Variants in FA2H observed in about 807,000 individuals in gnomAD.
FA2H encodes fatty acid 2-hydroxylase, also known as fatty acid alpha-hydroxylase.
In FA2H, 22 loss-of-function variants were observed where a neutral mutation model predicts 44.9. That is an observed-to-expected ratio of 0.49 (90% CI 0.35 to 0.70). The LOEUF (loss-of-function observed/expected upper bound fraction) is 0.70, where lower values mean the gene tolerates loss of function less well. FA2H is among the 30% of genes least tolerant of loss of function. The pLI, the probability that FA2H is intolerant of heterozygous loss-of-function variation, is 0.01. For synonymous variants in FA2H, 243 were observed against 213.2 expected, an observed-to-expected ratio of 1.14 and a Z score of -1.22; for missense variants, 501 against 504.9, an observed-to-expected ratio of 0.99 and a Z score of 0.07.
intron 1 of FA2H, among the ~76,000 whole-genome samples, chr16:74,758,105 AG>A (rs1435509137): frequency 6.8e-6 from 1 of 147,062 alleles, no homozygotes. Flanking sequence ...CTAGAGTGAG[AG>A]GGAAACAATT....
At chr16:74,773,399 A>G (rs1310432107) in intron 1 of FA2H, among the ~76,000 whole-genome samples, 1 of 152,180 alleles carries the variant, frequency 6.6e-6, no homozygotes, top group Non-Finnish European at 1.5e-5. Flanking sequence ...ATTCGGTACT[A>G]TCTGTGGTTT....
At chr16:74,727,479 C>T in intron 2 of FA2H, 93 bp from the exon 3 acceptor site, 2 of 1,356,246 alleles carry the variant, frequency 1.5e-6, no homozygotes, top group Non-Finnish European at 2.1e-6. Context: ...ATCCCCTGCT[C>T]CTACCTCAGC....
intron 1 of FA2H, among the ~76,000 whole-genome samples, chr16:74,767,891 G>A (rs558181316): frequency 6.6e-6 from 1 of 152,298 alleles, no homozygotes; most frequent in East Asian, 1.9e-4. Context: ...TGTACTGGAG[G>A]GGAGGAAGGG....
At chr16:74,714,571 T>C (rs1178593553) in intron 6 of FA2H, among the ~76,000 whole-genome samples, 1 of 143,302 alleles carries the variant, frequency 7.0e-6, no homozygotes, top group Non-Finnish European at 1.5e-5. Flanking sequence ...CCCAAGTTCA[T>C]TCCTGCCTCA....
In FA2H at chr16:74,716,393, G is replaced by T. The variant is rs755566191; in HGVS notation, c.993C>A (p.Ser331Arg). ...GGTGCTTGACGTGGTGGGCCTTCAG[G>T]CTGTACAGGTAGGAGCCCTTGTGCG... Reference protein sequence around the residue: ...GSPHKGSYLYSLKAHHVKHHF... With the variant: ...GSPHKGSYLYRLKAHHVKHHF... The change falls in exon 6 of 7, where the codon AGC becomes AGA. Residue 331 changes from serine (S) to arginine (R), a missense_variant. By Grantham distance (110) the Ser-to-Arg change is moderately radical (BLOSUM62 -1). Coordinates refer to ENST00000219368, the MANE Select transcript of FA2H (RefSeq NM_024306.5). 6.2e-6 allele frequency: 10 copies of T among 1,614,094 alleles called. No homozygotes were observed. Among genetic ancestry groups the T allele is most frequent in the Non-Finnish European group, 6.8e-6 (8 of 1,180,022 alleles).
At chr16:74,736,438 CT>C (rs1480806803) in intron 2 of FA2H, among the ~76,000 whole-genome samples, 4 of 152,168 alleles carry the variant, frequency 2.6e-5, no homozygotes, top group African/African-American at 7.2e-5. Flanking sequence ...CAAAAGGGCC[CT>C]TTCTCTGATC....
chr16:74,758,787 A>G (rs1421682321), intron 1 of FA2H, among the ~76,000 whole-genome samples: 1 of 152,178 alleles, frequency 6.6e-6, no homozygotes, highest in Non-Finnish European at 1.5e-5. Flanking sequence ...ATAATTTAAA[A>G]AAATGCAAGT....
At chr16:74,723,381 C>G (rs984155165) in intron 4 of FA2H, among the ~76,000 whole-genome samples, 1 of 152,160 alleles carries the variant, frequency 6.6e-6, no homozygotes, top group Non-Finnish European at 1.5e-5. Flanking sequence ...CCTCTCAGCT[C>G]AATCCCTTCC....
At chr16:74,722,677 C>G (rs1961864566) in intron 4 of FA2H, among the ~76,000 whole-genome samples, 1 of 152,258 alleles carries the variant, frequency 6.6e-6, no homozygotes, top group East Asian at 1.9e-4. Context: ...CTTTGGGAGG[C>G]TGAGGTGGGC....
chr16:74,766,160 A>G (rs1011188024), intron 1 of FA2H, among the ~76,000 whole-genome samples: 1 of 152,128 alleles, frequency 6.6e-6, no homozygotes, highest in African/African-American at 2.4e-5. Context: ...TTAGCTGGGC[A>G]TAGTGGTGGG....
chr16:74,738,847 C>G (rs758863723), intron 2 of FA2H, among the ~76,000 whole-genome samples: 14 of 152,246 alleles, frequency 9.2e-5, no homozygotes, highest in Non-Finnish European at 1.9e-4. Context: ...GCTGCATGGC[C>G]GGGCAGCCTT....
chr16:74,725,069 C>T (rs928835158), intron 4 of FA2H, among the ~76,000 whole-genome samples: 12 of 152,190 alleles, frequency 7.9e-5, no homozygotes, highest in African/African-American at 2.9e-4. Flanking sequence ...CGTGCTGTGC[C>T]TGAGCTATTC....
At chr16:74,746,439 G>A (rs1213867789) in intron 1 of FA2H, among the ~76,000 whole-genome samples, 1 of 151,062 alleles carries the variant, frequency 6.6e-6, no homozygotes, top group Non-Finnish European at 1.5e-5. Context: ...CAACCTCCTA[G>A]CCTCGAAATC....
At chr16:74,741,856 ATGTGTG>A (rs1310407237) in intron 1 of FA2H, among the ~76,000 whole-genome samples, 2 of 80,440 alleles carry the variant, frequency 2.5e-5, no homozygotes, top group Middle Eastern at 8.2e-3. Flanking sequence ...GTATGTGTGT[ATGTGTG>A]TGTGTGTATG....
intron 1 of FA2H, among the ~76,000 whole-genome samples, chr16:74,772,949 A>C (rs1258127232): frequency 6.6e-6 from 1 of 151,682 alleles, no homozygotes; most frequent in Non-Finnish European, 1.5e-5. Context: ...TGGCATGATC[A>C]TGGCTCACTG....
At chr16:74,727,411 C>A (rs755862883) in intron 2 of FA2H, 25 bp from the exon 3 acceptor site, 2 of 1,613,410 alleles carry the variant, frequency 1.2e-6, no homozygotes, top group South Asian at 1.1e-5. Context: ...GCCAAGTGGA[C>A]GTTTGATATT....
At chr16:74,739,744 C>A (rs750969080) in intron 2 of FA2H, among the ~76,000 whole-genome samples, 3 of 152,204 alleles carry the variant, frequency 2.0e-5, no homozygotes, top group Admixed American at 2.0e-4. Context: ...GGGGTCCTGG[C>A]GGGAGAATTC....
chr16:74,738,573 G>T (rs1419820597), intron 2 of FA2H, among the ~76,000 whole-genome samples: 1 of 152,134 alleles, frequency 6.6e-6, no homozygotes, highest in African/African-American at 2.4e-5. Context: ...GTTCAGTCCC[G>T]GTCAGCTCTT....
At chr16:74,772,915 T>C (rs1215707755) in intron 1 of FA2H, among the ~76,000 whole-genome samples, 2 of 151,974 alleles carry the variant, frequency 1.3e-5, no homozygotes, top group African/African-American at 4.8e-5. Context: ...GAGCTCTCAC[T>C]CTGTTGCTCA....
Sources: gnomAD v4.1 joint callset for allele counts (sites outside exome capture counted in the v4.1 genomes callset) on GRCh38, gnomAD v4.1.1 for gene constraint, MANE v1.5 for transcripts, NCBI Gene and HGNC (gene_info 2026-07-23, HGNC 2026-07-21) for gene names.